LRBA: variants seen among roughly 807,000 people sequenced by gnomAD.
The protein encoded by LRBA is LPS responsive beige-like anchor protein, also known as lipopolysaccharide-responsive and beige-like anchor protein.
A neutral mutation model predicts 330.0 loss-of-function variants in LRBA; 176 were observed. The ratio of observed to expected loss-of-function variants is 0.53; its 90% CI spans 0.47 to 0.60. The LOEUF (loss-of-function observed/expected upper bound fraction) is 0.60. Among genes scored for constraint, LRBA ranks in the 20% least tolerant of loss-of-function variants. The probability of loss-of-function intolerance (pLI) is 0.00; values close to 1 mark genes in which losing one functional copy is unlikely to be tolerated. For missense variants in LRBA, 3,259 were observed against 3,444.8 expected (o/e 0.95, Z 1.35); for synonymous variants, 1,230 against 1,193.0 (o/e 1.03, Z -0.64).
At chr4:150,652,780 A>C (rs561805070) in intron 37 of LRBA, among the ~76,000 whole-genome samples, 1 of 152,184 alleles carries the variant, frequency 6.6e-6, no homozygotes, top group African/African-American at 2.4e-5. Context: ...CTCAACAGCC[A>C]CATGTGGCAA....
chr4:150,471,502 G>A lies in LRBA; in HGVS notation c.6667+122C>T, dbSNP rs1756125077. On this transcript the variant is annotated intron_variant, in intron 43 of 56. Coordinates refer to ENST00000651943, the MANE Select transcript of LRBA (RefSeq NM_001364905.1). Reference sequence around the variant, plus strand: ...ACCTTATTCTCTTTGTATATCCTTTGTAGTATTCTAGTAGCAATAACGGCA... The same window carrying A: ...ACCTTATTCTCTTTGTATATCCTTTATAGTATTCTAGTAGCAATAACGGCA... The A allele has an allele frequency of 1.0e-5, 6 of 600,182 alleles. No homozygotes were observed. In the South Asian group the frequency reaches 1.3e-4, roughly 13 times the overall value. The allele number at this position is 600,182 out of a possible 1,614,324, so 37.2% of individuals were successfully genotyped here.
At chr4:150,406,345 T>A (rs1746192699) in intron 47 of LRBA, among the ~76,000 whole-genome samples, 1 of 152,212 alleles carries the variant, frequency 6.6e-6, no homozygotes, top group Non-Finnish European at 1.5e-5. Flanking sequence ...ATTGTGCTAT[T>A]ATTATGCTAT....
intron 34 of LRBA, among the ~76,000 whole-genome samples, chr4:150,794,706 A>G (rs1740491544): frequency 6.6e-6 from 1 of 152,144 alleles, no homozygotes; most frequent in South Asian, 2.1e-4. Flanking sequence ...TTAAAGAATA[A>G]TCAGCCTAAA....
chr4:150,486,813 C>T (rs559156936), intron 42 of LRBA, among the ~76,000 whole-genome samples: 1 of 151,762 alleles, frequency 6.6e-6, no homozygotes, highest in Non-Finnish European at 1.5e-5. Flanking sequence ...AACCTCTACC[C>T]TTGGTAACCA....
intron 56 of LRBA, among the ~76,000 whole-genome samples, chr4:150,270,449 T>C (rs1352227864): frequency 1.3e-5 from 2 of 152,270 alleles, no homozygotes; most frequent in East Asian, 1.9e-4. Context: ...ACAACAAATA[T>C]TGTATGATTC....
intron 33 of LRBA, among the ~76,000 whole-genome samples, chr4:150,801,253 T>C (rs1286031678): frequency 6.6e-6 from 1 of 152,236 alleles, no homozygotes; most frequent in Non-Finnish European, 1.5e-5. Flanking sequence ...ATGAGCATTA[T>C]CTTTTAGATA....
At chr4:150,661,356 G>A (rs1334137400) in intron 37 of LRBA, among the ~76,000 whole-genome samples, 1 of 151,132 alleles carries the variant, frequency 6.6e-6, no homozygotes, top group Non-Finnish European at 1.5e-5. Flanking sequence ...AGCTATTCAG[G>A]AGGCTGAGGC....
intron 22 of LRBA, among the ~76,000 whole-genome samples, chr4:150,861,270 GGTGTGTGTGTGTGTGT>G (rs35115144): frequency 2.2e-5 from 3 of 137,884 alleles, no homozygotes; most frequent in Admixed American, 7.3e-5. Flanking sequence ...CCCAGCTAAT[GGTGTGTGTGTGTGTGT>G]GTGTGTGTGT....
chr4:150,406,625 T>A (rs901918020), intron 47 of LRBA, among the ~76,000 whole-genome samples: 6 of 152,210 alleles, frequency 3.9e-5, no homozygotes, highest in Non-Finnish European at 8.8e-5. Context: ...AAAAGTTGGT[T>A]AATTTATCAG....
intron 17 of LRBA, among the ~76,000 whole-genome samples, chr4:150,886,962 A>T (rs1729003421): frequency 6.6e-6 from 1 of 152,246 alleles, no homozygotes; most frequent in Admixed American, 6.5e-5. Context: ...AATAAAGGTT[A>T]ACAAAGTCTA....
chr4:150,328,618 C>T (rs978120907), intron 48 of LRBA, among the ~76,000 whole-genome samples: 1 of 152,004 alleles, frequency 6.6e-6, no homozygotes, highest in Non-Finnish European at 1.5e-5. Context: ...AAACTATACT[C>T]GTTAAGCCCT....
intron 52 of LRBA, among the ~76,000 whole-genome samples, chr4:150,305,236 G>T (rs60246200): frequency 0.05 from 7,612 of 152,202 alleles, 609 homozygotes; most frequent in African/African-American, 0.17. Context: ...GGGAAAAAAT[G>T]TAGCTGTAAA....
chr4:150,968,573 A>G (rs1256781903), intron 2 of LRBA, among the ~76,000 whole-genome samples: 1 of 152,224 alleles, frequency 6.6e-6, no homozygotes, highest in Non-Finnish European at 1.5e-5. Context: ...CTTCAATTTT[A>G]TGAAGTCTGG....
intron 37 of LRBA, among the ~76,000 whole-genome samples, chr4:150,668,889 T>C (rs1007000432): frequency 6.6e-6 from 1 of 151,576 alleles, no homozygotes; most frequent in African/African-American, 2.4e-5. Flanking sequence ...AGTATGTAAG[T>C]GGCTGTGTAT....
chr4:150,910,139 C>T (rs186601004), intron 9 of LRBA, among the ~76,000 whole-genome samples: 5 of 152,228 alleles, frequency 3.3e-5, no homozygotes, highest in Admixed American at 6.6e-5. Context: ...TCCTCTGATG[C>T]GCAGAACTTT....
intron 35 of LRBA, among the ~76,000 whole-genome samples, chr4:150,747,231 CAAAGT>C (rs1305390157): frequency 2.0e-5 from 3 of 152,102 alleles, no homozygotes; most frequent in Non-Finnish European, 4.4e-5. Context: ...AAAGCTAAAC[CAAAGT>C]AAAGGTTCAC....
chr4:150,868,131 T>A (rs370629344), intron 21 of LRBA, 51 bp downstream of exon 21: 161 of 1,542,278 alleles, frequency 1.0e-4, no homozygotes, highest in Non-Finnish European at 1.4e-4. Flanking sequence ...AATGGGCTTA[T>A]ACAAAAGTAC....
chr4:150,514,548 C>G (rs1762144671), intron 40 of LRBA, among the ~76,000 whole-genome samples: 1 of 152,106 alleles, frequency 6.6e-6, no homozygotes, highest in Admixed American at 6.6e-5. Context: ...CAGCTATGAC[C>G]AGGGATAGCT....
intron 35 of LRBA, among the ~76,000 whole-genome samples, chr4:150,749,946 G>T (rs1048794707): frequency 2.6e-5 from 4 of 152,064 alleles, no homozygotes; most frequent in Non-Finnish European, 5.9e-5. Flanking sequence ...TGCTGATTTT[G>T]TTCCAGCCAC....
Sources: gnomAD v4.1 joint callset for allele counts (sites outside exome capture counted in the v4.1 genomes callset) on GRCh38, gnomAD v4.1.1 for gene constraint, MANE v1.5 for transcripts, NCBI Gene and HGNC (gene_info 2026-07-23, HGNC 2026-07-21) for gene names.